Variants in TMEM132C observed in about 807,000 individuals in gnomAD.
TMEM132C encodes protein phosphatase 1, regulatory subunit 152.
TMEM132C carries 29 observed loss-of-function variants against 61.4 expected under a neutral mutation model. The observed-to-expected ratio is 0.47, with a 90% CI of 0.35 to 0.64. TMEM132C has a LOEUF of 0.64. Among genes scored for constraint, TMEM132C ranks in the 30% least tolerant of loss-of-function variants. The pLI, the probability that TMEM132C is intolerant of heterozygous loss-of-function variation, is 0.00. For missense variants in TMEM132C, 1,408 were observed against 1,476.9 expected, an observed-to-expected ratio of 0.95 and a Z score of 0.76; for synonymous variants, 656 against 633.1, an observed-to-expected ratio of 1.04 and a Z score of -0.54.
intron 1 of TMEM132C, among the ~76,000 whole-genome samples, chr12:128,393,668 G>T (rs531482048): frequency 6.6e-6 from 1 of 152,160 alleles, no homozygotes; most frequent in East Asian, 1.9e-4. Context: ...CTGGCATGAT[G>T]CTTCGAGGTG....
intron 1 of TMEM132C, among the ~76,000 whole-genome samples, chr12:128,408,706 C>T (rs1401378055): frequency 1.3e-5 from 2 of 152,132 alleles, no homozygotes; most frequent in Admixed American, 6.5e-5. Flanking sequence ...ATGGAAGCGC[C>T]GAGCCATCCC....
At chr12:128,518,971 A>G (rs1291481197) in intron 2 of TMEM132C, among the ~76,000 whole-genome samples, 1 of 152,204 alleles carries the variant, frequency 6.6e-6, no homozygotes, top group Non-Finnish European at 1.5e-5. Flanking sequence ...ATGTGTCAAT[A>G]TATTTACAGA....
At chr12:128,302,475 A>G (rs1871628815) in intron 1 of TMEM132C, among the ~76,000 whole-genome samples, 1 of 152,172 alleles carries the variant, frequency 6.6e-6, no homozygotes, top group Admixed American at 6.5e-5. Flanking sequence ...CACTAAATGG[A>G]CTCAGATGCC....
intron 1 of TMEM132C, among the ~76,000 whole-genome samples, chr12:128,346,678 G>A (rs931601371): frequency 6.6e-6 from 1 of 152,102 alleles, no homozygotes; most frequent in Admixed American, 6.6e-5. Flanking sequence ...ATGGGAATAG[G>A]TTCCTGATTT....
rs771004757 is a variant in TMEM132C at position 128,415,359 on chromosome 12, G to A, written c.713G>A (p.Arg238Gln). Residue 238 changes from arginine (R) to glutamine (Q), a missense_variant, in exon 2 of 9, where the codon CGA becomes CAA. Coordinates refer to ENST00000435159, the MANE Select transcript of TMEM132C (RefSeq NM_001136103.3). This position sits in a 1 kb window ranked among gnomAD's most constrained non-coding sequence, Gnocchi z 5.8. ...TACACCGTGCACCCAGGAAACGAGC[G>A]AGGGGACTGTGCCGGGGGTGACTTC... ...LYYTVHPGNE[R>Q]GDCAGGDFRK... The A allele has an allele frequency of 2.0e-5, 32 of 1,566,484 alleles. No homozygotes were observed. Among genetic ancestry groups the A allele is most frequent in the East Asian group, 4.7e-5 (2 of 42,276 alleles).
chr12:128,336,721 TAGTTGAAGTGCC>T (rs1872799997), intron 1 of TMEM132C, among the ~76,000 whole-genome samples: 1 of 152,124 alleles, frequency 6.6e-6, no homozygotes, highest in African/African-American at 2.4e-5. Context: ...GGAGACACAC[TAGTTGAAGTGCC>T]AGTTTTTAAT....
chr12:128,616,246 G>A lies in TMEM132C; in HGVS notation c.1216G>A (p.Glu406Lys), dbSNP rs1480851630. ...GACTCAGCCCATCACGTGGCAGGTG[G>A]AGTACCCACGGAAGGGGACCACAGA... Reference protein sequence around the residue: ...SGTQPITWQVEYPRKGTTDIA... With the variant: ...SGTQPITWQVKYPRKGTTDIA... Residue 406 changes from glutamate to lysine, a missense_variant, in exon 4 of 9, where the codon GAG (glutamate) becomes AAG (lysine). Physicochemically the swap from Glu to Lys is moderately conservative, Grantham distance 56. Coordinates refer to ENST00000435159, the MANE Select transcript of TMEM132C (RefSeq NM_001136103.3). The A allele has an allele frequency of 6.4e-7, 1 of 1,551,774 alleles. No homozygotes were observed. The highest frequency in any genetic ancestry group is 8.7e-7 in the Non-Finnish European group (1 of 1,147,008).
chr12:128,671,730 G>A (rs1954534439), intron 5 of TMEM132C, among the ~76,000 whole-genome samples: 1 of 152,206 alleles, frequency 6.6e-6, no homozygotes, highest in Non-Finnish European at 1.5e-5. Flanking sequence ...AACCATGACA[G>A]CATTCCAGTA....
At chr12:128,498,357 A>G (rs1872040111) in intron 2 of TMEM132C, among the ~76,000 whole-genome samples, 1 of 148,102 alleles carries the variant, frequency 6.8e-6, no homozygotes, top group African/African-American at 2.5e-5. Context: ...CTATGTGCCA[A>G]TGACGTGATG....
intron 3 of TMEM132C, among the ~76,000 whole-genome samples, chr12:128,595,729 C>T (rs1490514887): frequency 6.6e-6 from 1 of 152,134 alleles, no homozygotes; most frequent in East Asian, 1.9e-4. Context: ...CAAATGCAGC[C>T]CTTTTCTCTT....
intron 5 of TMEM132C, among the ~76,000 whole-genome samples, chr12:128,672,666 T>C (rs1954544396): frequency 6.6e-6 from 1 of 152,236 alleles, no homozygotes. Context: ...TCAGTGTACA[T>C]GAGCACAGTC....
intron 1 of TMEM132C, among the ~76,000 whole-genome samples, chr12:128,360,707 T>C (rs1430982760): frequency 2.6e-5 from 4 of 152,088 alleles, no homozygotes; most frequent in Non-Finnish European, 5.9e-5. Context: ...TTCCTGGAGT[T>C]TGAGTTTTGA....
chr12:128,664,437 AAC>A (rs1240294155), intron 4 of TMEM132C, among the ~76,000 whole-genome samples: 2 of 152,218 alleles, frequency 1.3e-5, no homozygotes, highest in African/African-American at 4.8e-5. Flanking sequence ...AGCAAAACAG[AAC>A]AGTTCTCTGA....
At chr12:128,342,830 C>G (rs554542756) in intron 1 of TMEM132C, among the ~76,000 whole-genome samples, 6 of 152,210 alleles carry the variant, frequency 3.9e-5, no homozygotes, top group Non-Finnish European at 5.9e-5. Flanking sequence ...GCTTCCCCTC[C>G]GCCCTTTGAA....
At chr12:128,381,595 A>G (rs1259033580) in intron 1 of TMEM132C, among the ~76,000 whole-genome samples, 1 of 152,100 alleles carries the variant, frequency 6.6e-6, no homozygotes, top group Non-Finnish European at 1.5e-5. Flanking sequence ...AGTCCTTCCT[A>G]GGGAGTGGCT....
intron 3 of TMEM132C, among the ~76,000 whole-genome samples, chr12:128,545,195 T>C (rs559546906): frequency 8.5e-5 from 13 of 152,292 alleles, no homozygotes; most frequent in African/African-American, 2.9e-4. Context: ...ACTGCTTAGC[T>C]CCCACTTATA....
chr12:128,698,503 G>A (rs149227048), intron 8 of TMEM132C, among the ~76,000 whole-genome samples: 4 of 152,170 alleles, frequency 2.6e-5, no homozygotes, highest in African/African-American at 7.2e-5. Flanking sequence ...CGCCTCACCC[G>A]TGTCTCAATC....
intron 2 of TMEM132C, among the ~76,000 whole-genome samples, chr12:128,542,901 G>T (rs1007274442): frequency 6.6e-6 from 1 of 150,514 alleles, no homozygotes; most frequent in Non-Finnish European, 1.5e-5. Flanking sequence ...GATTATAGGC[G>T]TGAGCCACTG....
intron 5 of TMEM132C, among the ~76,000 whole-genome samples, chr12:128,689,468 T>C (rs924575283): frequency 6.6e-6 from 1 of 152,168 alleles, no homozygotes; most frequent in Non-Finnish European, 1.5e-5. Flanking sequence ...ATTTCATTCA[T>C]ATTAACGGAG....
Sources: gnomAD v4.1 joint callset for allele counts (sites outside exome capture counted in the v4.1 genomes callset) on GRCh38, gnomAD v4.1.1 for gene constraint, Gnocchi (gnomAD v3.1) non-coding constraint, MANE v1.5 for transcripts, NCBI Gene and HGNC (gene_info 2026-07-23, HGNC 2026-07-21) for gene names.